Variants in MROH2A observed in about 807,000 individuals in gnomAD.
The protein encoded by MROH2A is maestro heat-like repeat-containing protein family member 2A.
A neutral mutation model predicts 200.4 loss-of-function variants in MROH2A; 174 were observed. The ratio of observed to expected loss-of-function variants is 0.87; its 90% CI spans 0.77 to 0.98. The LOEUF (loss-of-function observed/expected upper bound fraction) is 0.98, where lower values mean the gene tolerates loss of function less well. Ranked by LOEUF, MROH2A falls within the 50% of genes least tolerant of loss-of-function variation. The pLI, the probability that MROH2A is intolerant of heterozygous loss-of-function variation, is 0.00. For synonymous variants in MROH2A, 829 were observed against 840.4 expected, an observed-to-expected ratio of 0.99 and a Z score of 0.23; for missense variants, 2,045 against 2,139.6, an observed-to-expected ratio of 0.96 and a Z score of 0.87.
chr2:233,814,458 A>C, intron 25 of MROH2A, 124 bp from the exon 26 acceptor site: 1 of 624,912 alleles, frequency 1.6e-6, no homozygotes, highest in East Asian at 2.9e-5. Context: ...AAGTGTCAAG[A>C]GCTCAGACTG....
chr2:233,822,170 G>T lies in MROH2A; in HGVS notation c.3559G>T (p.Ala1187Ser). ...GGCAGTGTCGGAGAACGTGCCCTTC[G>T]CCCGGACCATGCTCCACAGCCTGAT... ...WLAVSENVPF[A>S]RTMLHSLMGR... is the part of the protein sequence containing the mutation. Residue 1187 changes from alanine to serine, a missense_variant, in exon 32 of 42, where the codon GCC becomes TCC. Ala to Ser is a moderately conservative substitution (Grantham distance 99). Coordinates refer to ENST00000389758, the MANE Select transcript of MROH2A (RefSeq NM_001394639.1). 3.9e-6 allele frequency: 6 copies of T among 1,549,782 alleles called. No individual in the cohort carries two copies. Among genetic ancestry groups the T allele is most frequent in the Non-Finnish European group, 4.4e-6 (5 of 1,146,968 alleles).
At chr2:233,787,576 AT>A (rs1332938765) in intron 3 of MROH2A, among the ~76,000 whole-genome samples, 5 of 54,742 alleles carry the variant, frequency 9.1e-5, no homozygotes, top group Admixed American at 6.4e-4. Context: ...TATTATATAT[AT>A]CATATATACA....
chr2:233,793,932 G>T (rs1701947068), intron 7 of MROH2A, 108 bp downstream of exon 7: 10 of 1,127,370 alleles, frequency 8.9e-6, no homozygotes, highest in Non-Finnish European at 1.1e-5. Flanking sequence ...TTACTCCCAG[G>T]ACCCTAGAGG....
At position 233,828,638 on chromosome 2, in the gene MROH2A, C is replaced by G; in HGVS notation, c.4122C>G (p.Ser1374Arg). The G allele has an allele frequency of 6.4e-7, 1 of 1,550,708 alleles. No homozygotes were observed. Among genetic ancestry groups the G allele is most frequent in the Non-Finnish European group, 8.7e-7 (1 of 1,146,954 alleles). ...AATGTCCTCCCTTCCAGTTCATGAG[C>G]GGCCCAGTTCTGTACCAGGAGAAGC... ...RISSTAVCFM[S>R]GPVLYQEKLL... is the part of the protein sequence containing the mutation. The change falls in exon 36 of 42, where the codon AGC becomes AGG. Residue 1374 changes from serine to arginine, a missense_variant. Around this residue, in one of 3 missense-constraint regions of MROH2A, gnomAD observed 1,201 missense variants for 1,311.3 expected, o/e 0.92. Coordinates refer to ENST00000389758, the MANE Select transcript of MROH2A (RefSeq NM_001394639.1). The surrounding 1 kb of genome is among the most constrained non-coding windows in gnomAD (Gnocchi z 4.6).
In MROH2A at chr2:233,828,089, T is replaced by C. The variant is rs752295062; in HGVS notation, c.4114-541T>C. On this transcript the variant is annotated intron_variant, in intron 35 of 41. Coordinates refer to ENST00000389758, the MANE Select transcript of MROH2A (RefSeq NM_001394639.1). This position sits in a 1 kb window ranked among gnomAD's most constrained non-coding sequence, Gnocchi z 4.6. ...TAATGGGGGTTTAAGGAACTAGATG[T>C]GGGGATAGTCAATAGATGCTCATTT... 3.9e-5 allele frequency among the ~76,000 whole-genome samples: 6 copies of C among 152,294 alleles called. No homozygotes were observed. Among genetic ancestry groups the C allele is most frequent in the Non-Finnish European group, 8.8e-5 (6 of 68,030 alleles).
At chr2:233,830,157 T>C (rs1281468811) in intron 38 of MROH2A, among the ~76,000 whole-genome samples, 2 of 152,110 alleles carry the variant, frequency 1.3e-5, no homozygotes, top group Non-Finnish European at 2.9e-5. Flanking sequence ...TGCAGGCCCA[T>C]GTTGGGATGG....
At position 233,798,842 on chromosome 2, in the gene MROH2A, C is replaced by T. The variant is rs760679521; in HGVS notation, c.1321C>T (p.Arg441Trp). 24 of 1,550,036 alleles carry T rather than the reference C, an allele frequency of 1.5e-5. No individual in the cohort carries two copies. The highest frequency in any genetic ancestry group is 3.3e-4 in the Middle Eastern group (2 of 5,982). The change falls in exon 12 of 42, where the codon CGG (arginine) becomes TGG (tryptophan). Residue 441 changes from arginine to tryptophan, a missense_variant. Physicochemically the swap from Arg to Trp is moderately radical, Grantham distance 101. Transcript: ENST00000389758. ...RVVKNTISDT[R>W]SKVRMAILHI... is the part of the protein sequence containing the mutation. ...AGTCAAGAACACCATCTCTGATACC[C>T]GGTCCAAGGTAACAGGGCAGAGACC...
intron 16 of MROH2A, among the ~76,000 whole-genome samples, chr2:233,803,786 A>G (rs906126001): frequency 7.2e-5 from 11 of 152,186 alleles, no homozygotes; most frequent in African/African-American, 2.7e-4. Context: ...GGCTCAGTCC[A>G]GGACCCATGA....
chr2:233,804,127 G>A lies in MROH2A; in HGVS notation c.1826G>A (p.Ser609Asn). 6 of 1,550,560 alleles carry A rather than the reference G, an allele frequency of 3.9e-6. No individual in the cohort carries two copies. Among genetic ancestry groups the A allele is most frequent in the East Asian group, 2.4e-5 (1 of 40,910 alleles). The stretch of plus-strand genomic sequence containing the variant: ...AACCTCTTGAGGACCCTGAGCCAGA[G>A]CATCGCACCCTCCATGGCCGACATG... ...MLNLLRTLSQ[S>N]IAPSMADMWE... The change falls in exon 17 of 42, where the codon AGC (serine) becomes AAC (asparagine). Residue 609 changes from serine (S) to asparagine (N), a missense_variant. Around this residue, in one of 3 missense-constraint regions of MROH2A, gnomAD observed 831 missense variants for 800.0 expected, o/e 1.04. Coordinates refer to ENST00000389758, the MANE Select transcript of MROH2A (RefSeq NM_001394639.1).
rs191051041 is a variant in MROH2A at position 233,809,237 on chromosome 2, A to G, written c.2407A>G (p.Ile803Val). 1.3e-6 allele frequency: 2 copies of G among 1,550,504 alleles called. No individual in the cohort carries two copies. The highest frequency in any genetic ancestry group is 2.4e-5 in the East Asian group (1 of 40,914). The change falls in exon 22 of 42, where the codon ATC (isoleucine) becomes GTC (valine). Residue 803 changes from isoleucine to valine, a missense_variant. By Grantham distance (29) the Ile-to-Val change is conservative. Transcript: ENST00000389758. ...GCTCCTCAACCTCGTGGACAGCCCC[A>G]TCACCGCTAAGATCATTCACCATTA... ...QLLLNLVDSPITAKIIHHYVS... is the reference protein window; with the variant it reads ...QLLLNLVDSPVTAKIIHHYVS...
At chr2:233,789,769 G>C in intron 4 of MROH2A, 83 bp from the exon 5 acceptor site, 1 of 1,491,144 alleles carries the variant, frequency 6.7e-7, no homozygotes, top group South Asian at 1.3e-5. Context: ...AACCAGGAGG[G>C]GTGGAGAGAG....
rs1449768541 is a variant in MROH2A at position 233,822,136 on chromosome 2, G to C, written c.3525G>C (p.Glu1175Asp). The C allele has an allele frequency of 6.5e-7, 1 of 1,549,538 alleles. No individual in the cohort carries two copies. The highest frequency in any genetic ancestry group is 8.7e-7 in the Non-Finnish European group (1 of 1,146,486). ...TGACTTTGGTTAGCCACCTGGCAGA[G>C]GTGTGGCTGGCAGTGTCGGAGAACG... ...QPLPMESHLAEVWLAVSENVP... is the reference protein window; with the variant it reads ...QPLPMESHLADVWLAVSENVP... The change falls in exon 32 of 42, where the codon GAG becomes GAC. Residue 1175 changes from glutamate to aspartate, a missense_variant. Transcript: ENST00000389758.
chr2:233,788,908 C>T (rs1701544439), intron 3 of MROH2A, among the ~76,000 whole-genome samples: 1 of 140,118 alleles, frequency 7.1e-6, no homozygotes, highest in Admixed American at 7.8e-5. Flanking sequence ...CACTGCACTC[C>T]AGCCCGGGCG....
In MROH2A at chr2:233,818,739, A is replaced by C; in HGVS notation, c.3173A>C (p.Lys1058Thr). The change falls in exon 29 of 42, where the codon AAG becomes ACG. Residue 1058 changes from lysine to threonine, a missense_variant. Lys to Thr is a moderately conservative substitution (Grantham distance 78). Around this residue, in one of 3 missense-constraint regions of MROH2A, gnomAD observed 1,201 missense variants for 1,311.3 expected, o/e 0.92. Coordinates refer to ENST00000389758, the MANE Select transcript of MROH2A (RefSeq NM_001394639.1). ...GACCTCCAGAGCACAGATGTGGAGA[A>C]GATCTTCTGTGCATCCTCCAGAATC... ...KGDLQSTDVE[K>T]IFCASSRIAK... 7 of 1,549,360 alleles carry C rather than the reference A, an allele frequency of 4.5e-6. No homozygotes were observed. Among genetic ancestry groups the C allele is most frequent in the Non-Finnish European group, 6.1e-6 (7 of 1,145,992 alleles).
rs143956854 is a variant in MROH2A at position 233,814,620 on chromosome 2, G to A, written c.2799G>A (p.Leu933=). 2.2e-4 allele frequency: 336 copies of A among 1,550,488 alleles called. 2 individuals are homozygous for A. The African/African-American group carries it at 4.0e-3, about 18-fold the overall frequency. Residue 933 remains leucine, a synonymous_variant, in exon 26 of 42, where the codon CTG becomes CTA. Transcript: ENST00000389758. ...ATGCCCTGAGCTCCCTGGAGCAGCTGATGGAGAGCCTCCTGCAGAGGCAGC... is the reference window on the plus strand; with the variant it reads ...ATGCCCTGAGCTCCCTGGAGCAGCTAATGGAGAGCCTCCTGCAGAGGCAGC... ...YANALSSLEQ[L]MESLLQRQLD... is the part of the protein sequence containing the mutation.
At chr2:233,776,956 G>A (rs2126072883), upstream of MROH2A, among the ~76,000 whole-genome samples, 1 of 152,264 alleles carries the variant, frequency 6.6e-6, no homozygotes, top group East Asian at 1.9e-4. Flanking sequence ...CAGCCTGGGT[G>A]AGCCCTGCTG....
At chr2:233,792,546 C>T (rs1022295189) in intron 5 of MROH2A, among the ~76,000 whole-genome samples, 1 of 152,296 alleles carries the variant, frequency 6.6e-6, no homozygotes, top group Middle Eastern at 3.4e-3. Context: ...ATCTCCTGAC[C>T]TCGTGATCCG....
At chr2:233,813,071 G>C (rs747785999) in intron 24 of MROH2A, among the ~76,000 whole-genome samples, 4 of 152,182 alleles carry the variant, frequency 2.6e-5, no homozygotes, top group Non-Finnish European at 2.9e-5. Flanking sequence ...AATCCTCGAG[G>C]TATCTTTAAT....
chr2:233,824,379 G>T (rs928898539), intron 35 of MROH2A, among the ~76,000 whole-genome samples: 11 of 152,236 alleles, frequency 7.2e-5, no homozygotes, highest in Non-Finnish European at 1.5e-4. Flanking sequence ...GGAAGTACAA[G>T]ACCAGTCTGG....
Sources: allele counts gnomAD v4.1 joint callset (sites outside exome capture counted in the v4.1 genomes callset), GRCh38; gene constraint gnomAD v4.1.1; regional missense constraint gnomAD v4.1.1; non-coding constraint Gnocchi (gnomAD v3.1); transcripts MANE v1.5; gene names NCBI Gene and HGNC (gene_info 2026-07-23, HGNC 2026-07-21).